The following TOP1MT variants were observed in gnomAD, a reference collection of about 807,000 sequenced individuals.
TOP1MT encodes DNA topoisomerase I, mitochondrial.
TOP1MT carries 80 observed loss-of-function variants against 73.9 expected under a neutral mutation model. The ratio of observed to expected loss-of-function variants is 1.08; its 90% confidence interval spans 0.90 to 1.30. The LOEUF is 1.30. Among genes scored for constraint, TOP1MT ranks in the 50% most tolerant of loss-of-function variants. The probability of loss-of-function intolerance (pLI) is 0.00; values close to 1 mark genes in which losing one functional copy is unlikely to be tolerated. For synonymous variants in TOP1MT, 338 were observed against 326.4 expected (o/e 1.04, Z -0.38); for missense variants, 815 against 808.0 (o/e 1.01, Z -0.10).
chr8:143,330,539 C>T (rs1462962744), intron 2 of TOP1MT, among the ~76,000 whole-genome samples: 1 of 152,168 alleles, frequency 6.6e-6, no homozygotes, highest in African/African-American at 2.4e-5. Context: ...GCATGTGACT[C>T]GGCAGGGGGC....
At chr8:143,309,702 C>T (rs751953700) in intron 13 of TOP1MT, 159 bp from the exon 14 acceptor site, 14 of 1,516,668 alleles carry the variant, frequency 9.2e-6, no homozygotes, top group Middle Eastern at 2.1e-4. Context: ...CCACCCCACG[C>T]ATGCCGCCAC....
chr8:143,328,680 G>A (rs1289411079), intron 3 of TOP1MT, among the ~76,000 whole-genome samples: 1 of 152,240 alleles, frequency 6.6e-6, no homozygotes, highest in Non-Finnish European at 1.5e-5. Context: ...CACATGCAAA[G>A]GCCTAAAACA....
chr8:143,316,045 G>C lies in TOP1MT; in HGVS notation c.1412C>G (p.Ala471Gly), dbSNP rs754764123. Reference sequence around the variant, plus strand: ...CGACTTCTCGAACGTACTGGGGGTTGCTCGCTGATGGTTGCAGAGAATGGC... The same window carrying C: ...CGACTTCTCGAACGTACTGGGGGTTCCTCGCTGATGGTTGCAGAGAATGGC... ...VVAILCNHQRATPSTFEKSMQ... is the reference protein window; with the variant it reads ...VVAILCNHQRGTPSTFEKSMQ... The change falls in exon 11 of 14, where the codon GCA (alanine) becomes GGA (glycine). Residue 471 changes from alanine (A) to glycine (G), a missense_variant. Transcript: ENST00000329245. 3.7e-6 allele frequency: 6 copies of C among 1,614,176 alleles called. No homozygotes were observed. Among genetic ancestry groups the C allele is most frequent in the Non-Finnish European group, 5.1e-6 (6 of 1,179,994 alleles).
At chr8:143,342,263 GTTA>G (rs754072900) in intron 2 of TOP1MT, among the ~76,000 whole-genome samples, 2,224 of 125,104 alleles carry the variant, frequency 0.018, 34 homozygotes, top group African/African-American at 0.043. Context: ...GTCTCGCTCT[GTTA>G]TTATTATTAT....
intron 7 of TOP1MT, among the ~76,000 whole-genome samples, chr8:143,322,674 C>G (rs1358098799): frequency 2.6e-5 from 3 of 114,228 alleles, no homozygotes; most frequent in African/African-American, 4.0e-5. Context: ...ACGCCACACA[C>G]GCACGCCACA....
Position 143,325,543 on chromosome 8 carries a change from T to C in TOP1MT, c.484-10A>G. ...CCTCTTCTTTTAGCTTCTGAGTTAA[T>C]AAAACAGTCAGTGGACATTAGCAGT... is the stretch of plus-strand genomic sequence containing the variant. On this transcript the variant is annotated splice_polypyrimidine_tract_variant and intron_variant, in intron 4 of 13. Transcript: ENST00000329245. 1 of 1,602,374 alleles carries C rather than the reference T, an allele frequency of 6.2e-7. No homozygotes were observed. Among genetic ancestry groups the C allele is most frequent in the Non-Finnish European group, 8.5e-7 (1 of 1,170,448 alleles).
rs146854602 is a variant in TOP1MT at position 143,324,142 on chromosome 8, C to G, written c.817G>C (p.Gly273Arg). The change falls in exon 7 of 14, where the codon GGG (glycine) becomes CGG (arginine). Residue 273 changes from glycine to arginine, a missense_variant and splice_region_variant. Transcript: ENST00000329245. ...TCAAACTTCTGCCAAGCTGTCTCCC[C>G]CTAAACGAAGAAAATAACAGGAAAG... Reference protein sequence around the residue: ...IMLNPCSKLKGETAWQKFETA... With the variant: ...IMLNPCSKLKRETAWQKFETA... The G allele has an allele frequency of 6.8e-6, 11 of 1,613,052 alleles. No individual in the cohort carries two copies. Among genetic ancestry groups the G allele is most frequent in the Admixed American group, 6.7e-5 (4 of 59,852 alleles).
At chr8:143,311,851 C>T (rs1164316388) in intron 12 of TOP1MT, among the ~76,000 whole-genome samples, 2 of 152,016 alleles carry the variant, frequency 1.3e-5, no homozygotes, top group Non-Finnish European at 2.9e-5. Context: ...CTATGAATAA[C>T]TGGGCACCAG....
rs1314736190 is a variant in TOP1MT, at chr8:143,316,010, G to A, written c.1447C>T (p.Leu483Phe). The A allele has an allele frequency of 4.3e-6, 7 of 1,614,054 alleles. No homozygotes were observed. The Admixed American group carries it at 6.7e-5, about 15-fold the overall frequency. The change falls in exon 11 of 14, where the codon CTC becomes TTC. Residue 483 changes from leucine to phenylalanine, a missense_variant. Leu to Phe is a conservative substitution (Grantham distance 22). Coordinates refer to ENST00000329245, the MANE Select transcript of TOP1MT (RefSeq NM_052963.3). ...PSTFEKSMQN[L>F]QTKIQAKKEQ... Reference sequence around the variant, plus strand: ...CTGGGAGCTGCTACCTTCGTCTGGAGATTCTGCATCGACTTCTCGAACGTA... The same window carrying A: ...CTGGGAGCTGCTACCTTCGTCTGGAAATTCTGCATCGACTTCTCGAACGTA...
intron 2 of TOP1MT, among the ~76,000 whole-genome samples, chr8:143,342,410 TAGAG>T (rs1165665431): frequency 8.0e-6 from 1 of 124,960 alleles, no homozygotes; most frequent in Non-Finnish European, 1.5e-5. Flanking sequence ...TTATTATTAT[TAGAG>T]ACAGAGTCTC....
At chr8:143,342,826 C>T (rs888294782) in intron 2 of TOP1MT, among the ~76,000 whole-genome samples, 9 of 113,616 alleles carry the variant, frequency 7.9e-5, no homozygotes, top group Non-Finnish European at 1.5e-4. Context: ...GCTCTGTCAC[C>T]CAGGCTGGAG....
At chr8:143,330,998 T>C (rs1816838274) in intron 2 of TOP1MT, among the ~76,000 whole-genome samples, 1 of 152,036 alleles carries the variant, frequency 6.6e-6, no homozygotes, top group Non-Finnish European at 1.5e-5. Flanking sequence ...GCACAGCCAG[T>C]GCAGGCTCAG....
upstream of TOP1MT, among the ~76,000 whole-genome samples, chr8:143,349,216 T>C (rs957285980): frequency 1.3e-5 from 2 of 152,118 alleles, no homozygotes; most frequent in Admixed American, 6.5e-5. Flanking sequence ...ATTATACAAA[T>C]TGAGCTTTTC....
intron 2 of TOP1MT, among the ~76,000 whole-genome samples, chr8:143,330,529 G>C (rs1165646714): frequency 6.6e-6 from 1 of 152,260 alleles, no homozygotes; most frequent in Non-Finnish European, 1.5e-5. Context: ...ACTCAGGTGT[G>C]CATGTGACTC....
intron 7 of TOP1MT, among the ~76,000 whole-genome samples, chr8:143,321,922 CACAT>C (rs143813977): frequency 6.5e-5 from 7 of 107,320 alleles, no homozygotes; most frequent in Non-Finnish European, 1.3e-4. Flanking sequence ...GCACGCCACA[CACAT>C]GCACGCCACA....
chr8:143,321,541 A>G (rs1319517013), intron 7 of TOP1MT, among the ~76,000 whole-genome samples, 155 bp from the exon 8 acceptor site: 2 of 117,266 alleles, frequency 1.7e-5, no homozygotes, highest in African/African-American at 3.5e-5. Context: ...ACACACACGC[A>G]CGCCACACAC....
upstream of TOP1MT, chr8:143,345,111 G>C (rs899482985): frequency 6.6e-6 from 1 of 152,384 alleles, no homozygotes; most frequent in Non-Finnish European, 1.5e-5. Flanking sequence ...CTCCACCTGG[G>C]CCAGCACAGG....
chr8:143,326,221 C>T lies in TOP1MT; in HGVS notation c.483+1G>A, dbSNP rs1300751921. On this transcript the variant is annotated splice_donor_variant, in intron 4 of 13. Transcript: ENST00000329245. LOFTEE classifies it high-confidence loss of function. Reference sequence around the variant, plus strand: ...TCACACAACGCTCGAGGCAGCCCAACCTGCTTCTCCTCCCTGCTCAGGACT... The same window carrying T: ...TCACACAACGCTCGAGGCAGCCCAATCTGCTTCTCCTCCCTGCTCAGGACT... The T allele has an allele frequency of 1.2e-6, 2 of 1,613,790 alleles. No homozygotes were observed. Among genetic ancestry groups the T allele is most frequent in the Non-Finnish European group, 8.5e-7 (1 of 1,179,978 alleles).
Position 143,317,849 on chromosome 8 carries a change from A to C in TOP1MT, c.1216-12T>G. 1 of 1,613,634 alleles carries C rather than the reference A, an allele frequency of 6.2e-7. No homozygotes were observed. Among genetic ancestry groups the C allele is most frequent in the Non-Finnish European group, 8.5e-7 (1 of 1,179,680 alleles). On this transcript the variant is annotated splice_polypyrimidine_tract_variant and intron_variant, in intron 9 of 13. Transcript: ENST00000329245. ...TTCAGGCTGGTCGTCTGGGGAGGAA[A>C]ATGGTCTCTATAATTACGTGGTTTT...
Sources: allele counts gnomAD v4.1 joint callset (sites outside exome capture counted in the v4.1 genomes callset), GRCh38; gene constraint gnomAD v4.1.1; transcripts MANE v1.5; gene names NCBI Gene and HGNC (gene_info 2026-07-23, HGNC 2026-07-21).